The following ARCN1 variants were observed in gnomAD, a reference collection of about 807,000 sequenced individuals.
The protein encoded by ARCN1 is coatomer subunit delta.
In ARCN1, 5 loss-of-function variants were observed where a neutral mutation model predicts 60.4. The ratio of observed to expected loss-of-function variants is 0.08; its 90% CI spans 0.04 to 0.17. The LOEUF (loss-of-function observed/expected upper bound fraction) is 0.17. ARCN1 is among the 10% of genes least tolerant of loss of function. The pLI is 1.00. For synonymous variants in ARCN1, 224 were observed against 220.0 expected, an observed-to-expected ratio of 1.02 and a Z score of -0.16; for missense variants, 464 against 626.5, an observed-to-expected ratio of 0.74 and a Z score of 2.77.
At chr11:118,599,387 G>A (rs541238664) in intron 9 of ARCN1, among the ~76,000 whole-genome samples, 12 of 151,900 alleles carry the variant, frequency 7.9e-5, no homozygotes, top group East Asian at 3.9e-4. Flanking sequence ...CACCGCGCTC[G>A]GCCCGGATCA....
chr11:118,593,754 C>A, intron 8 of ARCN1, 56 bp downstream of exon 8: 2 of 1,264,796 alleles, frequency 1.6e-6, no homozygotes, highest in Non-Finnish European at 2.3e-6. Context: ...TCTTTTGGAA[C>A]TCATTTTGGA....
chr11:118,599,382 C>T (rs1555077746), intron 9 of ARCN1, among the ~76,000 whole-genome samples: 4 of 151,988 alleles, frequency 2.6e-5, no homozygotes, highest in South Asian at 4.2e-4. Context: ...CGAGTCACCG[C>T]GCTCGGCCCG....
chr11:118,575,224 C>T (rs1591379147), intron 1 of ARCN1, among the ~76,000 whole-genome samples: 1 of 152,118 alleles, frequency 6.6e-6, no homozygotes, highest in Non-Finnish European at 1.5e-5. Context: ...GTGATCTGCC[C>T]GCCTCGGCCT....
Position 118,601,809 on chromosome 11 carries a change from A to G in ARCN1, c.*1095A>G. ...TCAAATGGCACAGTCCCTCTTCAAG[A>G]TGTCTAAAAGAATGGTTATGTCTGT... On this transcript the variant is annotated 3_prime_UTR_variant, in exon 10 of 10. Coordinates refer to ENST00000264028, the MANE Select transcript of ARCN1 (RefSeq NM_001655.5). 1 of 689,820 alleles carries G rather than the reference A, an allele frequency of 1.4e-6. No homozygotes were observed. The highest frequency in any genetic ancestry group is 2.7e-6 in the Non-Finnish European group (1 of 376,882). The allele number at this position is 689,820 out of a possible 1,614,324, so 42.7% of individuals were successfully genotyped here. A position where few individuals can be genotyped will look rare whatever the true frequency, so the allele number is the denominator to read the frequency against.
chr11:118,591,499 C>T (rs1202378255), intron 6 of ARCN1, among the ~76,000 whole-genome samples: 2 of 152,172 alleles, frequency 1.3e-5, no homozygotes, highest in Non-Finnish European at 2.9e-5. Flanking sequence ...TGAAGCAGTT[C>T]TCCTGCCTCA....
chr11:118,581,937 G>GACAGACACACACACACACACACACAC (rs1555074708), intron 2 of ARCN1, among the ~76,000 whole-genome samples: 32 of 140,806 alleles, frequency 2.3e-4, no homozygotes, highest in African/African-American at 7.5e-4. Flanking sequence ...CAGACAGACA[G>GACAGACACACACACACACACACACAC]ACACACACAC....
intron 9 of ARCN1, 107 bp downstream of exon 9, chr11:118,598,018 A>T: frequency 9.6e-7 from 1 of 1,042,280 alleles, no homozygotes; most frequent in Non-Finnish European, 1.4e-6. Flanking sequence ...GATAAAGCTC[A>T]GAAAAAAACT....
chr11:118,585,121 C>T (rs782602433), intron 5 of ARCN1, among the ~76,000 whole-genome samples: 19 of 151,968 alleles, frequency 1.3e-4, no homozygotes, highest in African/African-American at 2.7e-4. Flanking sequence ...CCACCACGCC[C>T]GGCTGTTGTT....
chr11:118,575,372 A>G (rs575336665), intron 1 of ARCN1, among the ~76,000 whole-genome samples: 5 of 151,776 alleles, frequency 3.3e-5, no homozygotes, highest in Non-Finnish European at 7.4e-5. Context: ...CCATCTATTT[A>G]TGTCTTCATA....
Position 118,602,707 on chromosome 11 carries a change from A to G in ARCN1, c.*1993A>G, listed in dbSNP as rs1555078366. 6.5e-6 allele frequency: 1 copy of G among 153,804 alleles called. No homozygotes were observed. The highest frequency in any genetic ancestry group is 1.9e-4 in the East Asian group (1 of 5,202). 9.5% of individuals were successfully genotyped at this position (153,804 alleles called of 1,614,324 possible). ...GTCTGTCATGTTAGTTAAGCAGGCAAGAAATCCTACTAATCCAGTTTTGTT... is the reference window on the plus strand; with the variant it reads ...GTCTGTCATGTTAGTTAAGCAGGCAGGAAATCCTACTAATCCAGTTTTGTT... On this transcript the variant is annotated 3_prime_UTR_variant, in exon 10 of 10. Coordinates refer to ENST00000264028, the MANE Select transcript of ARCN1 (RefSeq NM_001655.5).
chr11:118,593,130 C>T, intron 7 of ARCN1, among the ~76,000 whole-genome samples: 1 of 152,216 alleles, frequency 6.6e-6, no homozygotes, highest in East Asian at 1.9e-4. Flanking sequence ...GTGGGGCAAT[C>T]ATAGCTCACT....
rs1267579050 is a variant in ARCN1, at chr11:118,572,480, G to C, written c.-68G>C. 1.3e-6 allele frequency: 2 copies of C among 1,570,968 alleles called. No homozygotes were observed. Among genetic ancestry groups the C allele is most frequent in the African/African-American group, 2.7e-5 (2 of 73,586 alleles). On this transcript the variant is annotated 5_prime_UTR_variant, in exon 1 of 10. Coordinates refer to ENST00000264028, the MANE Select transcript of ARCN1 (RefSeq NM_001655.5). ...CAGGTCCAGAGCTGCTGGTGCTCCC[G>C]TTCCCCAGACCCTACCCCTATCCCC...
At chr11:118,597,607 A>G in intron 8 of ARCN1, 100 bp from the exon 9 acceptor site, 1 of 1,370,212 alleles carries the variant, frequency 7.3e-7, no homozygotes, top group Non-Finnish European at 1.0e-6. Flanking sequence ...TAGTCCTAGA[A>G]GGCAAAATTT....
At chr11:118,572,644 C>T in intron 1 of ARCN1, 94 bp downstream of exon 1, 1 of 1,512,352 alleles carries the variant, frequency 6.6e-7, no homozygotes, top group Non-Finnish European at 9.0e-7. Flanking sequence ...GGAGCCCCGC[C>T]CTGAGGGTCT....
chr11:118,584,391 T>C (rs1485290653), intron 4 of ARCN1, 89 bp from the exon 5 acceptor site: 69 of 1,273,160 alleles, frequency 5.4e-5, no homozygotes, highest in Non-Finnish European at 7.0e-5. Context: ...GGTGTATTTC[T>C]CTGGACGGGA....
At chr11:118,599,241 C>T (rs1591393454) in intron 9 of ARCN1, among the ~76,000 whole-genome samples, 2 of 148,306 alleles carry the variant, frequency 1.3e-5, no homozygotes, top group East Asian at 2.0e-4. Context: ...TACCGGCATG[C>T]GCCACCACGC....
intron 2 of ARCN1, among the ~76,000 whole-genome samples, chr11:118,581,903 A>G (rs1591383489): frequency 7.0e-6 from 1 of 142,708 alleles, no homozygotes; most frequent in African/African-American, 2.5e-5. Context: ...AGACTTAGGT[A>G]AGACTTACTG....
At chr11:118,583,483 G>A (rs1938705808) in intron 3 of ARCN1, 125 bp downstream of exon 3, 6 of 1,184,348 alleles carry the variant, frequency 5.1e-6, no homozygotes, top group Non-Finnish European at 6.9e-6. Flanking sequence ...GCTAGGCACA[G>A]TGGCTCATGT....
At chr11:118,588,275 T>C (rs923549236) in intron 5 of ARCN1, among the ~76,000 whole-genome samples, 3 of 152,140 alleles carry the variant, frequency 2.0e-5, no homozygotes, top group Non-Finnish European at 4.4e-5. Context: ...TTAATCTTCC[T>C]CCAGGATATG....
Sources: gnomAD v4.1 joint callset for allele counts (sites outside exome capture counted in the v4.1 genomes callset) on GRCh38, gnomAD v4.1.1 for gene constraint, MANE v1.5 for transcripts, NCBI Gene and HGNC (gene_info 2026-07-23, HGNC 2026-07-21) for gene names.